The following C10orf90 variants were observed in gnomAD, a reference collection of about 807,000 sequenced individuals.
C10orf90 encodes the protein chromosome 10 open reading frame 90.
C10orf90 carries 56 observed loss-of-function variants against 62.5 expected under a neutral mutation model. The observed-to-expected ratio is 0.90, with a 90% CI of 0.72 to 1.12. The LOEUF is 1.12. Among genes scored for constraint, C10orf90 ranks in the 50% most tolerant of loss-of-function variants. C10orf90 has a pLI of 0.00. For missense variants in C10orf90, 970 were observed against 880.4 expected (o/e 1.10, Z -1.29); for synonymous variants, 386 against 340.4 (o/e 1.13, Z -1.47).
At chr10:126,484,009 A>G (rs1229031379) in intron 4 of C10orf90, among the ~76,000 whole-genome samples, 2 of 152,176 alleles carry the variant, frequency 1.3e-5, no homozygotes, top group Admixed American at 6.5e-5. Context: ...TGGATATTCC[A>G]TAAGCCTGAC....
intron 4 of C10orf90, among the ~76,000 whole-genome samples, chr10:126,480,995 CCCCTCTCTGCCCCTCTGCTCTGCAGT>C (rs142102265): frequency 0.15 from 22,589 of 152,154 alleles, 1,749 homozygotes; most frequent in Middle Eastern, 0.22. Context: ...GCCCAGGTGT[CCCCTCTCTGCCCCTCTGCTCTGCAGT>C]CCCACTGGTC....
At chr10:126,538,998 G>A (rs1864311793) in intron 2 of C10orf90, among the ~76,000 whole-genome samples, 1 of 152,210 alleles carries the variant, frequency 6.6e-6, no homozygotes, top group Non-Finnish European at 1.5e-5. Flanking sequence ...AGAGATTTCT[G>A]CTGCATAAAG....
In C10orf90 at chr10:126,437,909, GGCA is replaced by G. The variant is rs143466237; in HGVS notation, c.2189-8062_2189-8060del. On this transcript the variant is annotated intron_variant, in intron 7 of 9. Transcript: ENST00000488181. The stretch of plus-strand genomic sequence containing the variant: ...GTCCTTGTTATGCAGTTAGTTCTAT[GGCA>G]GTTTATTGCTTCTTCCAGCTATTCT... Among the ~76,000 whole-genome samples, 3 of 152,344 alleles carry G rather than the reference GGCA, an allele frequency of 2.0e-5. No homozygotes were observed. In the East Asian group the frequency reaches 5.8e-4, roughly 29 times the overall value.
chr10:126,494,141 A>G (rs1479047103), intron 4 of C10orf90, among the ~76,000 whole-genome samples: 1 of 152,236 alleles, frequency 6.6e-6, no homozygotes, highest in Non-Finnish European at 1.5e-5. Flanking sequence ...CGACCCACCT[A>G]TATGCAGAAA....
chr10:126,664,654 C>T (rs749404995), intron 1 of C10orf90, among the ~76,000 whole-genome samples: 1 of 152,168 alleles, frequency 6.6e-6, no homozygotes, highest in Non-Finnish European at 1.5e-5. Context: ...GTTCCCAATT[C>T]CCTGGTGGAA....
intron 3 of C10orf90, among the ~76,000 whole-genome samples, chr10:126,512,968 A>T (rs1311515060): frequency 6.6e-6 from 1 of 152,178 alleles, no homozygotes; most frequent in Non-Finnish European, 1.5e-5. Flanking sequence ...CGTTTTGGGT[A>T]AAAAAATATT....
At chr10:126,451,373 T>C (rs947245728) in intron 7 of C10orf90, among the ~76,000 whole-genome samples, 1 of 152,174 alleles carries the variant, frequency 6.6e-6, no homozygotes. Flanking sequence ...GTATCAGCAC[T>C]CCTGTGTTCG....
intron 4 of C10orf90, among the ~76,000 whole-genome samples, chr10:126,468,547 T>A (rs974912558): frequency 1.3e-5 from 2 of 152,152 alleles, no homozygotes; most frequent in Non-Finnish European, 2.9e-5. Flanking sequence ...ACGGTTGGCA[T>A]CAGGCAGGGC....
intron 2 of C10orf90, among the ~76,000 whole-genome samples, chr10:126,554,399 C>T (rs761936503): frequency 4.6e-5 from 7 of 151,908 alleles, no homozygotes; most frequent in African/African-American, 9.7e-5. Flanking sequence ...GGAAAGCCTT[C>T]GGAATTCAGA....
chr10:126,541,775 TG>T (rs1425652461), intron 2 of C10orf90, among the ~76,000 whole-genome samples: 8 of 152,218 alleles, frequency 5.3e-5, no homozygotes, highest in Non-Finnish European at 1.2e-4. Flanking sequence ...GCAGCTGCTA[TG>T]GCAGTTCCCC....
chr10:126,509,637 A>G (rs1862975752), intron 3 of C10orf90, among the ~76,000 whole-genome samples: 1 of 152,202 alleles, frequency 6.6e-6, no homozygotes, highest in Admixed American at 6.5e-5. Flanking sequence ...GGCACCTACT[A>G]TGAGCCAAGT....
chr10:126,443,075 G>GACAT (rs1165911124), intron 7 of C10orf90, among the ~76,000 whole-genome samples: 1 of 151,958 alleles, frequency 6.6e-6, no homozygotes, highest in East Asian at 1.9e-4. Flanking sequence ...AGCACAAACT[G>GACAT]ACATTCTAAC....
At chr10:126,627,471 G>A (rs540310741) in intron 2 of C10orf90, among the ~76,000 whole-genome samples, 55 of 151,836 alleles carry the variant, frequency 3.6e-4, no homozygotes, top group Non-Finnish European at 6.0e-4. Context: ...AGGAGCACAC[G>A]TCTTGATTGT....
chr10:126,569,350 C>A (rs934376393), intron 2 of C10orf90, among the ~76,000 whole-genome samples: 2 of 152,136 alleles, frequency 1.3e-5, no homozygotes, highest in Non-Finnish European at 2.9e-5. Context: ...CAGATCCTTA[C>A]AATAAACTGT....
intron 2 of C10orf90, among the ~76,000 whole-genome samples, chr10:126,630,887 C>T (rs1213334874): frequency 1.3e-5 from 2 of 152,196 alleles, no homozygotes; most frequent in African/African-American, 2.4e-5. Flanking sequence ...GAATCACCCT[C>T]CTTAACTGGG....
chr10:126,669,768 A>T (rs1415979796), intron 1 of C10orf90, among the ~76,000 whole-genome samples: 1 of 151,400 alleles, frequency 6.6e-6, no homozygotes, highest in African/African-American at 2.4e-5. Flanking sequence ...AAAATAAAAG[A>T]TCATTCTTAC....
At position 126,504,287 on chromosome 10, in the gene C10orf90, C is replaced by T. The variant is rs774149776; in HGVS notation, c.1204G>A (p.Gly402Arg). The T allele has an allele frequency of 5.6e-6, 9 of 1,614,082 alleles. No individual in the cohort carries two copies. The highest frequency in any genetic ancestry group is 4.5e-5 in the East Asian group (2 of 44,892). ...TCTCTGTTCACTAGGCCATCTACTC[C>T]ATCTGCTGTTAATCTGTGGGAACTA... Reference protein sequence around the residue: ...NCSSHRLTADGVDGLVNREPI... With the variant: ...NCSSHRLTADRVDGLVNREPI... The change falls in exon 4 of 10, where the codon GGA becomes AGA. Residue 402 changes from glycine (G) to arginine (R), a missense_variant. Coordinates refer to ENST00000488181, the MANE Select transcript of C10orf90 (RefSeq NM_001350921.2). This position sits in a 1 kb window ranked among gnomAD's most constrained non-coding sequence, Gnocchi z 4.1.
At chr10:126,496,079 T>C (rs185694851) in intron 4 of C10orf90, among the ~76,000 whole-genome samples, 67 of 152,286 alleles carry the variant, frequency 4.4e-4, no homozygotes, top group African/African-American at 1.5e-3. Context: ...GTATAGACAG[T>C]TGCTCTGCAA....
intron 4 of C10orf90, among the ~76,000 whole-genome samples, chr10:126,470,869 C>CTT (rs113491322): frequency 2.0e-5 from 3 of 151,816 alleles, no homozygotes; most frequent in Non-Finnish European, 4.4e-5. Context: ...ATTTTCTCTG[C>CTT]TTTTTTTTCT....
Sources: gnomAD v4.1 joint callset for allele counts (sites outside exome capture counted in the v4.1 genomes callset) on GRCh38, gnomAD v4.1.1 for gene constraint, Gnocchi (gnomAD v3.1) non-coding constraint, MANE v1.5 for transcripts, NCBI Gene and HGNC (gene_info 2026-07-23, HGNC 2026-07-21) for gene names.